The following PXDNL variants were observed in gnomAD, a reference collection of about 807,000 sequenced individuals.
PXDNL encodes peroxidasin like.
In PXDNL, 145 loss-of-function variants were observed where a neutral mutation model predicts 150.8. The ratio of observed to expected loss-of-function variants is 0.96; its 90% CI spans 0.84 to 1.10. The LOEUF is 1.10. Ranked by LOEUF, PXDNL falls within the 50% of genes least tolerant of loss-of-function variation. PXDNL has a pLI of 0.00. For synonymous variants in PXDNL, 757 were observed against 725.7 expected (o/e 1.04, Z -0.69); for missense variants, 2,087 against 1,873.9 (o/e 1.11, Z -2.10).
At position 51,408,035 on chromosome 8, in the gene PXDNL, T is replaced by C. The variant is rs184734732; in HGVS notation, c.3557+32A>G. ...TAACACTTTTACCTCTCCTAAGAAA[T>C]GTTTAAATCCAGGCAGCATTTGCAT... is the stretch of plus-strand genomic sequence containing the variant. On this transcript the variant is annotated intron_variant, in intron 17 of 22. Transcript: ENST00000356297. 1.9e-4 allele frequency: 296 copies of C among 1,549,656 alleles called. No homozygotes were observed. In the African/African-American group the frequency reaches 3.5e-3, roughly 18 times the overall value.
chr8:51,398,660 G>C (rs535697324), intron 17 of PXDNL, among the ~76,000 whole-genome samples: 6 of 152,272 alleles, frequency 3.9e-5, no homozygotes, highest in Non-Finnish European at 7.4e-5. Flanking sequence ...AACATTCCTG[G>C]GGTTTCTACA....
At chr8:51,483,746 T>C (rs1052914517) in intron 5 of PXDNL, 32 bp from the exon 6 acceptor site, 3 of 1,182,434 alleles carry the variant, frequency 2.5e-6, no homozygotes, top group Non-Finnish European at 3.6e-6. Context: ...TTAATCACCA[T>C]ACAATAATAA....
intron 1 of PXDNL, among the ~76,000 whole-genome samples, chr8:51,766,305 T>C (rs2037231343): frequency 6.6e-6 from 1 of 152,218 alleles, no homozygotes; most frequent in Non-Finnish European, 1.5e-5. Flanking sequence ...ATTTCACCTC[T>C]GTATTTTTAA....
chr8:51,396,515 G>A (rs556905366), intron 17 of PXDNL, among the ~76,000 whole-genome samples: 1 of 152,356 alleles, frequency 6.6e-6, no homozygotes, highest in South Asian at 2.1e-4. Context: ...CCAGCACTTT[G>A]GGAGGCCAAG....
At chr8:51,590,424 G>A (rs929613959) in intron 3 of PXDNL, among the ~76,000 whole-genome samples, 4 of 151,972 alleles carry the variant, frequency 2.6e-5, no homozygotes, top group East Asian at 1.9e-4. Flanking sequence ...TGGAAACTCC[G>A]GCCTGGGAAG....
intron 1 of PXDNL, among the ~76,000 whole-genome samples, chr8:51,750,077 GTTT>G (rs1389268796): frequency 6.6e-6 from 1 of 152,146 alleles, no homozygotes; most frequent in South Asian, 2.1e-4. Context: ...ACTTTAGAAA[GTTT>G]TTATTTTTTT....
chr8:51,597,244 T>C (rs912442157), intron 2 of PXDNL, among the ~76,000 whole-genome samples: 1 of 152,196 alleles, frequency 6.6e-6, no homozygotes, highest in Admixed American at 6.5e-5. Context: ...AGTCTCTGTA[T>C]TCTGTTCCAG....
At chr8:51,788,816 A>G (rs571039769) in intron 1 of PXDNL, among the ~76,000 whole-genome samples, 2 of 152,290 alleles carry the variant, frequency 1.3e-5, no homozygotes, top group African/African-American at 2.4e-5. Flanking sequence ...GCAGATCTCA[A>G]GTAGAGGTGT....
At chr8:51,610,538 T>C (rs924022006) in intron 2 of PXDNL, among the ~76,000 whole-genome samples, 1 of 152,188 alleles carries the variant, frequency 6.6e-6, no homozygotes, top group Non-Finnish European at 1.5e-5. Context: ...GGTGAGTATA[T>C]TTATTAATTT....
intron 1 of PXDNL, among the ~76,000 whole-genome samples, chr8:51,787,790 G>A (rs945804578): frequency 4.6e-4 from 70 of 152,326 alleles, no homozygotes; most frequent in African/African-American, 1.6e-3. Context: ...TAGTTCTACT[G>A]TAGGTAAAAT....
chr8:51,377,780 C>A (rs865821715), intron 17 of PXDNL, among the ~76,000 whole-genome samples: 1 of 152,212 alleles, frequency 6.6e-6, no homozygotes. Flanking sequence ...ACCTGCAGCC[C>A]GCCATGCCTG....
chr8:51,361,523 C>G (rs1806736180), intron 19 of PXDNL, among the ~76,000 whole-genome samples: 1 of 152,168 alleles, frequency 6.6e-6, no homozygotes, highest in South Asian at 2.1e-4. Context: ...CACCTTCCAG[C>G]TATGCCTACA....
chr8:51,620,328 T>C (rs1041828534), intron 2 of PXDNL, among the ~76,000 whole-genome samples: 1 of 152,142 alleles, frequency 6.6e-6, no homozygotes, highest in African/African-American at 2.4e-5. Flanking sequence ...AAAAAAAATC[T>C]CAATATGTGA....
chr8:51,597,316 A>G (rs1286915927), intron 2 of PXDNL, among the ~76,000 whole-genome samples: 1 of 152,098 alleles, frequency 6.6e-6, no homozygotes, highest in African/African-American at 2.4e-5. Flanking sequence ...GCCTTCTAAT[A>G]TAGTTTGAAG....
intron 5 of PXDNL, among the ~76,000 whole-genome samples, chr8:51,497,309 T>C (rs989925467): frequency 1.3e-4 from 20 of 152,284 alleles, no homozygotes; most frequent in Non-Finnish European, 2.1e-4. Context: ...GACTTAAATG[T>C]TAGACCCAAA....
At chr8:51,420,837 C>T (rs993107538) in intron 14 of PXDNL, among the ~76,000 whole-genome samples, 5 of 152,052 alleles carry the variant, frequency 3.3e-5, no homozygotes, top group African/African-American at 4.8e-5. Flanking sequence ...TACAGGTAAG[C>T]GCCACCATGT....
chr8:51,771,978 G>C (rs1217207261), intron 1 of PXDNL, among the ~76,000 whole-genome samples: 2 of 151,992 alleles, frequency 1.3e-5, no homozygotes, highest in Non-Finnish European at 1.5e-5. Flanking sequence ...AGCCAGAAAA[G>C]AGAGAGTGGG....
intron 1 of PXDNL, among the ~76,000 whole-genome samples, chr8:51,768,922 C>T (rs971625663): frequency 6.6e-6 from 1 of 152,084 alleles, no homozygotes; most frequent in Non-Finnish European, 1.5e-5. Flanking sequence ...AGTGAAACCC[C>T]GTCTCTACTA....
intron 1 of PXDNL, among the ~76,000 whole-genome samples, chr8:51,744,837 AAAGG>A (rs1203942817): frequency 6.6e-6 from 1 of 150,478 alleles, no homozygotes. Flanking sequence ...GACAGAAAGA[AAAGG>A]AAGGAAGGAA....
Sources: gnomAD v4.1 joint callset for allele counts (sites outside exome capture counted in the v4.1 genomes callset) on GRCh38, gnomAD v4.1.1 for gene constraint, MANE v1.5 for transcripts, NCBI Gene and HGNC (gene_info 2026-07-23, HGNC 2026-07-21) for gene names.